ADAMTS17: variants seen among roughly 807,000 people sequenced by gnomAD.
The protein encoded by ADAMTS17 is ADAM metallopeptidase with thrombospondin type 1 motif 17, also known as A disintegrin and metalloproteinase with thrombospondin motifs 17.
ADAMTS17 carries 113 observed loss-of-function variants against 141.5 expected under a neutral mutation model. The ratio of observed to expected loss-of-function variants is 0.80; its 90% CI spans 0.69 to 0.93. The LOEUF is 0.93. Among genes scored for constraint, ADAMTS17 ranks in the 40% least tolerant of loss-of-function variants. The probability of loss-of-function intolerance (pLI) is 0.00; values close to 1 mark genes in which losing one functional copy is unlikely to be tolerated. For missense variants in ADAMTS17, 1,659 were observed against 1,517.9 expected (o/e 1.09, Z -1.54); for synonymous variants, 768 against 630.6 (o/e 1.22, Z -3.27).
intron 8 of ADAMTS17, among the ~76,000 whole-genome samples, chr15:100,166,309 T>C (rs996976158): frequency 2.6e-5 from 4 of 152,256 alleles, no homozygotes; most frequent in African/African-American, 9.6e-5. Context: ...CTGCTTCCAA[T>C]GGCTTTTCAG....
intron 15 of ADAMTS17, among the ~76,000 whole-genome samples, chr15:100,085,024 T>C (rs1239566666): frequency 1.3e-5 from 2 of 152,094 alleles, no homozygotes; most frequent in African/African-American, 2.4e-5. Context: ...AGAAGAAGGC[T>C]TCAAAAGATC....
intron 20 of ADAMTS17, among the ~76,000 whole-genome samples, chr15:99,992,764 C>T (rs1320226756): frequency 6.6e-6 from 1 of 152,228 alleles, no homozygotes; most frequent in Admixed American, 6.5e-5. Flanking sequence ...TCCAGGGCAC[C>T]CGCGTCCTGC....
rs560191059 is a variant in ADAMTS17 at position 99,998,766 on chromosome 15, C to T, written c.2592-1177G>A. Among the ~76,000 whole-genome samples the T allele has an allele frequency of 5.9e-5, 9 of 152,304 alleles. No individual in the cohort carries two copies. In the South Asian group the frequency reaches 1.0e-3, roughly 18 times the overall value. ...ACAAAGGGCTTCCAGTGCCCTTTTG[C>T]GAACACTAAGGGATCTCCCCTGCTT... On this transcript the variant is annotated intron_variant, in intron 18 of 21. Coordinates refer to ENST00000268070, the MANE Select transcript of ADAMTS17 (RefSeq NM_139057.4).
At chr15:100,106,176 T>C (rs2044305254) in intron 14 of ADAMTS17, among the ~76,000 whole-genome samples, 1 of 152,182 alleles carries the variant, frequency 6.6e-6, no homozygotes, top group South Asian at 2.1e-4. Context: ...GCTCTCTTTA[T>C]GCCATGGGAG....
At chr15:100,018,018 GC>G (rs1252307944) in intron 18 of ADAMTS17, among the ~76,000 whole-genome samples, 1 of 152,046 alleles carries the variant, frequency 6.6e-6, no homozygotes. Context: ...CATCTCTAAA[GC>G]TTTTCATCTT....
chr15:100,092,272 G>A (rs1345806560), intron 15 of ADAMTS17, among the ~76,000 whole-genome samples: 1 of 152,178 alleles, frequency 6.6e-6, no homozygotes, highest in Non-Finnish European at 1.5e-5. Context: ...TTCAACGTCA[G>A]TTTATGTAAG....
chr15:100,146,034 G>A (rs1375957805), intron 10 of ADAMTS17, among the ~76,000 whole-genome samples: 14 of 152,310 alleles, frequency 9.2e-5, no homozygotes, highest in Non-Finnish European at 1.3e-4. Context: ...TTAGCTGGGT[G>A]TGGTGGCGCA....
chr15:100,300,414 T>C (rs12438512), intron 3 of ADAMTS17, among the ~76,000 whole-genome samples: 98,640 of 151,936 alleles, frequency 0.65, 33,354 homozygotes, highest in African/African-American at 0.83. Context: ...GCCCAGAAAA[T>C]GCAGTCACCT....
At chr15:100,244,880 G>T (rs2042939994) in intron 7 of ADAMTS17, among the ~76,000 whole-genome samples, 1 of 152,148 alleles carries the variant, frequency 6.6e-6, no homozygotes, top group Admixed American at 6.5e-5. Context: ...CAGTGACAGA[G>T]GAAGCATCAC....
intron 9 of ADAMTS17, among the ~76,000 whole-genome samples, chr15:100,154,107 G>A (rs1000760957): frequency 5.3e-5 from 8 of 152,128 alleles, no homozygotes; most frequent in African/African-American, 1.9e-4. Flanking sequence ...CTTGAACCTG[G>A]GAGACAGAGG....
chr15:100,144,249 T>C (rs60379626), intron 10 of ADAMTS17, among the ~76,000 whole-genome samples: 10,069 of 152,210 alleles, frequency 0.066, 444 homozygotes, highest in African/African-American at 0.12. Flanking sequence ...TTACATGGTA[T>C]AAAAATATCT....
intron 3 of ADAMTS17, among the ~76,000 whole-genome samples, chr15:100,285,619 G>C (rs2044421477): frequency 6.6e-6 from 1 of 152,218 alleles, no homozygotes; most frequent in African/African-American, 2.4e-5. Flanking sequence ...ACCTGGGGAA[G>C]AGTTGAGTTG....
intron 8 of ADAMTS17, among the ~76,000 whole-genome samples, chr15:100,179,365 T>A (rs1239933357): frequency 6.6e-6 from 1 of 152,212 alleles, no homozygotes; most frequent in Non-Finnish European, 1.5e-5. Context: ...TCCAGTTCCA[T>A]CCACGTTGTT....
At position 100,132,112 on chromosome 15, in the gene ADAMTS17, G is replaced by T. The variant is rs781074609; in HGVS notation, c.1616C>A (p.Pro539Gln). The T allele has an allele frequency of 6.2e-7, 1 of 1,614,078 alleles. No homozygotes were observed. The highest frequency in any genetic ancestry group is 1.3e-5 in the African/African-American group (1 of 75,062). Reference protein sequence around the residue: ...AGECVSKTPIPEHVDGDWSPW... With the variant: ...AGECVSKTPIQEHVDGDWSPW... ...GCTCCAGTCTCCGTCCACATGCTCC[G>T]GGATGGGCGTCTTGCTCACGCACTC... The change falls in exon 12 of 22, where the codon CCG (proline) becomes CAG (glutamine). Residue 539 changes from proline (P) to glutamine (Q), a missense_variant. Physicochemically the swap from Pro to Gln is moderately conservative, Grantham distance 76 (BLOSUM62 -1). Transcript: ENST00000268070.
At chr15:100,115,542 T>C (rs2037062774) in intron 13 of ADAMTS17, among the ~76,000 whole-genome samples, 1 of 152,180 alleles carries the variant, frequency 6.6e-6, no homozygotes, top group Non-Finnish European at 1.5e-5. Context: ...GAGCATCACA[T>C]GTTGCTCTAC....
intron 15 of ADAMTS17, among the ~76,000 whole-genome samples, chr15:100,074,404 T>A (rs188272157): frequency 0.013 from 1,944 of 147,414 alleles, 45 homozygotes; most frequent in African/African-American, 0.042. Context: ...TAAAGACATA[T>A]ACATTATTCT....
chr15:100,161,418 G>C (rs1013700847), intron 8 of ADAMTS17, among the ~76,000 whole-genome samples: 7 of 151,650 alleles, frequency 4.6e-5, no homozygotes, highest in Non-Finnish European at 8.8e-5. Context: ...TCTGTGGAAT[G>C]AATCCCCGGA....
intron 3 of ADAMTS17, among the ~76,000 whole-genome samples, chr15:100,299,843 A>C (rs911302595): frequency 1.3e-5 from 2 of 152,024 alleles, no homozygotes; most frequent in Non-Finnish European, 2.9e-5. Flanking sequence ...CAGTCCCCAA[A>C]ATCACCAAGC....
chr15:100,205,755 G>C (rs894552502), intron 7 of ADAMTS17, among the ~76,000 whole-genome samples: 2 of 152,218 alleles, frequency 1.3e-5, no homozygotes, highest in Non-Finnish European at 2.9e-5. Flanking sequence ...CAGAGTCTAA[G>C]CTGAGCAGGC....
Sources: allele counts gnomAD v4.1 joint callset (sites outside exome capture counted in the v4.1 genomes callset), GRCh38; gene constraint gnomAD v4.1.1; transcripts MANE v1.5; gene names NCBI Gene and HGNC (gene_info 2026-07-23, HGNC 2026-07-21).